The following RPS6KA1 variants were observed in gnomAD, a reference collection of about 807,000 sequenced individuals.
The protein encoded by RPS6KA1 is ribosomal protein S6 kinase A1.
In RPS6KA1, 48 loss-of-function variants were observed where a neutral mutation model predicts 91.3. The observed-to-expected ratio is 0.53, with a 90% CI of 0.42 to 0.67. The LOEUF is 0.67. Among genes scored for constraint, RPS6KA1 ranks in the 30% least tolerant of loss-of-function variants. The pLI is 0.00. For synonymous variants in RPS6KA1, 359 were observed against 384.7 expected, an observed-to-expected ratio of 0.93 and a Z score of 0.78; for missense variants, 719 against 960.5, an observed-to-expected ratio of 0.75 and a Z score of 3.32.
At position 26,554,754 on chromosome 1, in the gene RPS6KA1, G is replaced by A. The variant is rs1438123995; in HGVS notation, c.756+16G>A. On this transcript the variant is annotated intron_variant, in intron 9 of 21. Coordinates refer to ENST00000374168, the MANE Select transcript of RPS6KA1 (RefSeq NM_002953.4). This position sits in a 1 kb window ranked among gnomAD's most constrained non-coding sequence, Gnocchi z 4.6. ...GGTGTTGATGGTGAGTGCCCAGACA[G>A]GGGTAAAGGATCCAGCCCAAGCCTC... is the stretch of plus-strand genomic sequence containing the variant. 4.4e-6 allele frequency: 7 copies of A among 1,587,876 alleles called. No individual in the cohort carries two copies. The highest frequency in any genetic ancestry group is 1.3e-5 in the African/African-American group (1 of 74,320).
Position 26,561,893 on chromosome 1 carries a change from TA to T in RPS6KA1, c.1590+232del, listed in dbSNP as rs1275774547. On this transcript the variant is annotated intron_variant, in intron 17 of 21. Transcript: ENST00000374168. This position sits in a 1 kb window ranked among gnomAD's most constrained non-coding sequence, Gnocchi z 5.7. ...ATCTACTGTGTGCCAGGCACCATGG[TA>T]AGGTTTAGCATAAGATGAAGTTTCC... Among the ~76,000 whole-genome samples the T allele has an allele frequency of 2.0e-5, 3 of 151,964 alleles. No individual in the cohort carries two copies. Among genetic ancestry groups the T allele is most frequent in the Non-Finnish European group, 4.4e-5 (3 of 67,988 alleles).
chr1:26,542,345 C>T (rs1014767880), intron 2 of RPS6KA1, among the ~76,000 whole-genome samples: 1 of 152,220 alleles, frequency 6.6e-6, no homozygotes, highest in African/African-American at 2.4e-5. Context: ...CAGCCATCCA[C>T]CCGCAGAGAC....
At position 26,547,557 on chromosome 1, in the gene RPS6KA1, C is replaced by T; in HGVS notation, c.307+287C>T. 5 of 379,428 alleles carry T rather than the reference C, an allele frequency of 1.3e-5. No homozygotes were observed. The highest frequency in any genetic ancestry group is 2.5e-5 in the Non-Finnish European group (5 of 197,704). 23.5% of individuals were successfully genotyped at this position (379,428 alleles called of 1,614,324 possible). On this transcript the variant is annotated intron_variant, in intron 4 of 21. Coordinates refer to ENST00000374168, the MANE Select transcript of RPS6KA1 (RefSeq NM_002953.4). The surrounding 1 kb of genome is among the most constrained non-coding windows in gnomAD (Gnocchi z 4.1). The stretch of plus-strand genomic sequence containing the variant: ...AACTACCAAGCTGGTCAAGCAGAGG[C>T]ATTCTGACTGTTGATGCTAGAAGAG...
chr1:26,532,230 G>A (rs1268051953), intron 1 of RPS6KA1, among the ~76,000 whole-genome samples: 1 of 152,190 alleles, frequency 6.6e-6, no homozygotes, highest in African/African-American at 2.4e-5. Context: ...GTTGAAAGCA[G>A]TAGCCTTGTC....
chr1:26,546,792 A>C, intron 2 of RPS6KA1, 75 bp from the exon 3 acceptor site: 2 of 1,103,376 alleles, frequency 1.8e-6, no homozygotes, highest in Non-Finnish European at 2.8e-6. Context: ...GTCTGGTGGG[A>C]ATGGACTTGG....
intron 1 of RPS6KA1, among the ~76,000 whole-genome samples, chr1:26,530,579 G>A (rs762732327): frequency 1.3e-5 from 2 of 152,198 alleles, no homozygotes; most frequent in African/African-American, 4.8e-5. Flanking sequence ...GACGAGAGTG[G>A]GGAAGAGCCC....
At chr1:26,553,756 C>T (rs2076074529) in intron 7 of RPS6KA1, 1 of 281,328 alleles carries the variant, frequency 3.6e-6, no homozygotes, top group African/African-American at 2.2e-5. Flanking sequence ...TGAGATGCCA[C>T]CTTTAGAGGT....
chr1:26,533,914 C>T lies in RPS6KA1; in HGVS notation c.64-3011C>T, dbSNP rs1312857913. ...GGGAAGCCAGCACCCCACAACCCCC[C>T]TGACCCCCCTACCAGTCTGTTCTCC... On this transcript the variant is annotated intron_variant, in intron 1 of 21. Transcript: ENST00000374168. Among the ~76,000 whole-genome samples, 3 of 152,124 alleles carry T rather than the reference C, an allele frequency of 2.0e-5. No individual in the cohort carries two copies. The East Asian group carries it at 5.8e-4, about 29-fold the overall frequency.
At chr1:26,545,184 T>C (rs2075982244) in intron 2 of RPS6KA1, among the ~76,000 whole-genome samples, 1 of 151,520 alleles carries the variant, frequency 6.6e-6, no homozygotes, top group African/African-American at 2.4e-5. Flanking sequence ...TTTTCTTTTT[T>C]TTTGAGATGG....
At position 26,558,686 on chromosome 1, in the gene RPS6KA1, G is replaced by A. The variant is rs2076126603; in HGVS notation, c.1085-121G>A. Reference sequence around the variant, plus strand: ...CCTGTGATGGACAGGCCCTCTGCAGGCTCCCGCCACGGCCAGCCCCTGAGG... The same window carrying A: ...CCTGTGATGGACAGGCCCTCTGCAGACTCCCGCCACGGCCAGCCCCTGAGG... On this transcript the variant is annotated intron_variant, in intron 13 of 21. Coordinates refer to ENST00000374168, the MANE Select transcript of RPS6KA1 (RefSeq NM_002953.4). This position sits in a 1 kb window ranked among gnomAD's most constrained non-coding sequence, Gnocchi z 4.0. 1.7e-6 allele frequency: 2 copies of A among 1,186,282 alleles called. No homozygotes were observed. The highest frequency in any genetic ancestry group is 3.1e-5 in the African/African-American group (2 of 65,338). 73.5% of individuals were successfully genotyped at this position (1,186,282 alleles called of 1,614,324 possible). A position where few individuals can be genotyped will look rare whatever the true frequency, so the allele number is the denominator to read the frequency against.
Position 26,554,156 on chromosome 1 carries a change from ACACCATCAC to A in RPS6KA1, c.576-56_576-48del. ...ACCCAACTCCCACAGCCCTGTGGTAACACCATCACCCACACGGCCACAGCTGAGGGGCCC... is the reference window on the plus strand; with the variant it reads ...ACCCAACTCCCACAGCCCTGTGGTAACCACACGGCCACAGCTGAGGGGCCC... On this transcript the variant is annotated intron_variant, in intron 7 of 21. Coordinates refer to ENST00000374168, the MANE Select transcript of RPS6KA1 (RefSeq NM_002953.4). The surrounding 1 kb of genome is among the most constrained non-coding windows in gnomAD (Gnocchi z 4.6). 6.6e-7 allele frequency: 1 copy of A among 1,525,736 alleles called. No individual in the cohort carries two copies. The highest frequency in any genetic ancestry group is 8.9e-7 in the Non-Finnish European group (1 of 1,126,322). The allele number at this position is 1,525,736 out of a possible 1,614,324, so 94.5% of individuals were successfully genotyped here. A position where few individuals can be genotyped will look rare whatever the true frequency, so the allele number is the denominator to read the frequency against.
Position 26,571,409 on chromosome 1 carries a change from CT to C in RPS6KA1, c.1591-39del. The C allele has an allele frequency of 6.2e-7, 1 of 1,605,024 alleles. No individual in the cohort carries two copies. Among genetic ancestry groups the C allele is most frequent in the South Asian group, 1.1e-5 (1 of 90,648 alleles). On this transcript the variant is annotated intron_variant, in intron 17 of 21. Transcript: ENST00000374168. This position sits in a 1 kb window ranked among gnomAD's most constrained non-coding sequence, Gnocchi z 5.1. ...GCCGCTGACCTGGGCCACTAGCCAC[CT>C]CCCCACACTGAGAACTGACCCCAGC...
chr1:26,571,121 C>CAA lies in RPS6KA1; in HGVS notation c.1591-319_1591-318dup. The CAA allele has an allele frequency of 3.9e-5, 8 of 207,294 alleles. No individual in the cohort carries two copies. The highest frequency in any genetic ancestry group is 1.6e-4 in the South Asian group (2 of 12,250). 12.8% of individuals were successfully genotyped at this position (207,294 alleles called of 1,614,324 possible). A position where few individuals can be genotyped will look rare whatever the true frequency, so the allele number is the denominator to read the frequency against. On this transcript the variant is annotated intron_variant, in intron 17 of 21. Coordinates refer to ENST00000374168, the MANE Select transcript of RPS6KA1 (RefSeq NM_002953.4). This position sits in a 1 kb window ranked among gnomAD's most constrained non-coding sequence, Gnocchi z 5.1. ...TGGGTGACAGAGGAAGACTCCATCT[C>CAA]AAAAAAAAAAGACTTTTAAGATTTT...
At chr1:26,570,981 G>A (rs1416431308) in intron 17 of RPS6KA1, among the ~76,000 whole-genome samples, 1 of 151,224 alleles carries the variant, frequency 6.6e-6, no homozygotes, top group Admixed American at 6.6e-5. Flanking sequence ...AAATCAGCCA[G>A]CCATGGCGGC....
intron 20 of RPS6KA1, 43 bp downstream of exon 20, chr1:26,572,336 G>A: frequency 2.2e-6 from 3 of 1,368,642 alleles, no homozygotes; most frequent in Non-Finnish European, 3.1e-6. Flanking sequence ...GAGGAGGGAG[G>A]CAGGGTCCCA....
At chr1:26,537,964 C>T (rs2075918605) in intron 2 of RPS6KA1, among the ~76,000 whole-genome samples, 1 of 152,208 alleles carries the variant, frequency 6.6e-6, no homozygotes, top group Admixed American at 6.5e-5. Context: ...CAGCTTCCTG[C>T]CAGTGACCCC....
Position 26,551,331 on chromosome 1 carries a change from C to T in RPS6KA1, c.308-66C>T, listed in dbSNP as rs879142912. The T allele has an allele frequency of 2.3e-5, 32 of 1,400,650 alleles. No individual in the cohort carries two copies. The highest frequency in any genetic ancestry group is 1.3e-4 in the South Asian group (11 of 85,792). 86.8% of individuals were successfully genotyped at this position (1,400,650 alleles called of 1,614,324 possible). ...AACAAGTGGAAAAGAGATCCCTTAG[C>T]GGGGGCTTGGGAGTGGCTGTGTTGA... On this transcript the variant is annotated intron_variant, in intron 4 of 21. Transcript: ENST00000374168. The surrounding 1 kb of genome is among the most constrained non-coding windows in gnomAD (Gnocchi z 4.5).
chr1:26,569,180 A>T (rs1259904425), intron 17 of RPS6KA1, among the ~76,000 whole-genome samples: 2 of 152,160 alleles, frequency 1.3e-5, no homozygotes, highest in Non-Finnish European at 2.9e-5. Context: ...AAAAAAAAAA[A>T]AAAGAAAATT....
At chr1:26,572,051 T>C (rs147192745) in intron 19 of RPS6KA1, 125 bp from the exon 20 acceptor site, 2 of 1,305,346 alleles carry the variant, frequency 1.5e-6, no homozygotes, top group East Asian at 2.3e-5. Context: ...AGGGACATGC[T>C]CCTGCCTCCA....
Sources: allele counts gnomAD v4.1 joint callset (sites outside exome capture counted in the v4.1 genomes callset), GRCh38; gene constraint gnomAD v4.1.1; non-coding constraint Gnocchi (gnomAD v3.1); transcripts MANE v1.5; gene names NCBI Gene and HGNC (gene_info 2026-07-23, HGNC 2026-07-21).